Variants in ZRANB3 observed in about 807,000 individuals in gnomAD.
ZRANB3 encodes zinc finger RANBP2-type containing 3.
ZRANB3 carries 125 observed loss-of-function variants against 133.8 expected under a neutral mutation model. That is an observed-to-expected ratio of 0.93 (90% CI 0.81 to 1.08). The LOEUF is 1.08. Ranked by LOEUF, ZRANB3 falls within the 50% of genes least tolerant of loss-of-function variation. The pLI is 0.00. For missense variants in ZRANB3, 1,229 were observed against 1,275.5 expected (o/e 0.96, Z 0.56); for synonymous variants, 387 against 432.7 (o/e 0.89, Z 1.31).
chr2:135,516,096 C>A (rs982513049), intron 1 of ZRANB3, among the ~76,000 whole-genome samples: 9 of 151,724 alleles, frequency 5.9e-5, no homozygotes, highest in African/African-American at 1.2e-4. Context: ...AGGATTGCAA[C>A]CCCTGTTTTT....
chr2:135,503,147 T>C (rs977055626), intron 2 of ZRANB3, among the ~76,000 whole-genome samples: 5 of 152,216 alleles, frequency 3.3e-5, no homozygotes, highest in Admixed American at 2.6e-4. Context: ...TCAAGGTTTG[T>C]ACATTTCATT....
At chr2:135,286,197 T>C (rs1270431275) in intron 8 of ZRANB3, among the ~76,000 whole-genome samples, 1 of 152,080 alleles carries the variant, frequency 6.6e-6, no homozygotes, top group Non-Finnish European at 1.5e-5. Flanking sequence ...CTGCATCCAA[T>C]GTGTAGTCTT....
At chr2:135,385,286 G>T (rs1686914115) in intron 3 of ZRANB3, among the ~76,000 whole-genome samples, 1 of 152,104 alleles carries the variant, frequency 6.6e-6, no homozygotes, top group Non-Finnish European at 1.5e-5. Flanking sequence ...ACTTACAAGG[G>T]ATGTGAAGGA....
chr2:135,271,202 G>A (rs894685243), intron 10 of ZRANB3: 1 of 407,972 alleles, frequency 2.5e-6, no homozygotes, highest in African/African-American at 2.1e-5. Context: ...AGGTCCTAAG[G>A]ACTTTGTGCA....
At chr2:135,406,149 G>A (rs549035248) in intron 2 of ZRANB3, among the ~76,000 whole-genome samples, 5 of 152,136 alleles carry the variant, frequency 3.3e-5, no homozygotes, top group Non-Finnish European at 7.4e-5. Flanking sequence ...TATCACCACC[G>A]ATCCCACAGA....
At chr2:135,222,683 A>G (rs1694602456) in intron 15 of ZRANB3, among the ~76,000 whole-genome samples, 1 of 152,122 alleles carries the variant, frequency 6.6e-6, no homozygotes, top group South Asian at 2.1e-4. Context: ...AAATTGCTAA[A>G]CATTTAAAAC....
intron 8 of ZRANB3, among the ~76,000 whole-genome samples, chr2:135,300,227 G>C (rs1448728991): frequency 6.6e-6 from 1 of 151,970 alleles, no homozygotes; most frequent in African/African-American, 2.4e-5. Context: ...AAATAATGAG[G>C]AATTCATTTT....
intron 12 of ZRANB3, among the ~76,000 whole-genome samples, chr2:135,264,852 G>A (rs567266443): frequency 1.7e-4 from 26 of 151,742 alleles, no homozygotes; most frequent in Non-Finnish European, 3.4e-4. Context: ...TGGTTCAAGC[G>A]ATTCTTGTGC....
At position 135,340,065 on chromosome 2, in the gene ZRANB3, T is replaced by C. The variant is rs1341151471; in HGVS notation, c.677+5485A>G. Among the ~76,000 whole-genome samples, 103 of 151,832 alleles carry C rather than the reference T, an allele frequency of 6.8e-4. 1 individual carries two copies. Among genetic ancestry groups the C allele is most frequent in the Non-Finnish European group, 1.6e-4 (11 of 67,936 alleles). ...AATATTTTATTCATCTGGAATTTAT[T>C]GTTGTGTAAGAAGAAGGGAAAGAAT... On this transcript the variant is annotated intron_variant, in intron 6 of 20. Coordinates refer to ENST00000264159, the MANE Select transcript of ZRANB3 (RefSeq NM_032143.4).
chr2:135,423,013 C>T (rs976806279), intron 2 of ZRANB3, among the ~76,000 whole-genome samples: 2 of 152,126 alleles, frequency 1.3e-5, no homozygotes, highest in African/African-American at 4.8e-5. Context: ...ACAATCTGTT[C>T]CATGCTTCTC....
chr2:135,305,181 T>C (rs1682623205), intron 8 of ZRANB3, among the ~76,000 whole-genome samples: 1 of 152,162 alleles, frequency 6.6e-6, no homozygotes, highest in African/African-American at 2.4e-5. Context: ...TTTCGCCATG[T>C]TTGCCAGGCC....
intron 6 of ZRANB3, among the ~76,000 whole-genome samples, chr2:135,332,555 A>G (rs143960487): frequency 1.2e-4 from 18 of 152,216 alleles, no homozygotes; most frequent in Non-Finnish European, 2.5e-4. Context: ...ATATGTTTTC[A>G]TTTGTTAAAA....
intron 9 of ZRANB3, among the ~76,000 whole-genome samples, chr2:135,272,791 A>C (rs544544487): frequency 1.4e-4 from 21 of 152,262 alleles, no homozygotes; most frequent in Non-Finnish European, 2.5e-4. Context: ...ATTTTTGAAA[A>C]GTAGGGAAAC....
chr2:135,480,818 T>C (rs866671835), intron 2 of ZRANB3, among the ~76,000 whole-genome samples: 1 of 126,830 alleles, frequency 7.9e-6, no homozygotes, highest in Admixed American at 9.0e-5. Flanking sequence ...CCTGTGTCCA[T>C]GTGATCTCAT....
rs564404471 is a variant in ZRANB3, at chr2:135,433,966, C to A, written c.162-43146G>T. Among the ~76,000 whole-genome samples the A allele has an allele frequency of 3.7e-4, 56 of 152,268 alleles. No individual in the cohort carries two copies. The South Asian group carries it at 5.8e-3, about 16-fold the overall frequency. On this transcript the variant is annotated intron_variant, in intron 2 of 20. Coordinates refer to ENST00000264159, the MANE Select transcript of ZRANB3 (RefSeq NM_032143.4). ...GAGTTGAGATAGCGCCACTGCACTC[C>A]AGCCTGGTGACAGAGCAAGACTCCG...
chr2:135,228,655 T>C (rs1172679736), intron 13 of ZRANB3, among the ~76,000 whole-genome samples: 1 of 152,146 alleles, frequency 6.6e-6, no homozygotes, highest in Non-Finnish European at 1.5e-5. Context: ...GGTTACTTGA[T>C]GGGTTGAGTG....
intron 1 of ZRANB3, among the ~76,000 whole-genome samples, chr2:135,508,134 T>C (rs1318018305): frequency 6.6e-6 from 1 of 152,144 alleles, no homozygotes; most frequent in Non-Finnish European, 1.5e-5. Context: ...ATTTGTTTTT[T>C]GTTTTTTGTT....
intron 8 of ZRANB3, among the ~76,000 whole-genome samples, chr2:135,293,413 T>A (rs111874408): frequency 6.6e-6 from 1 of 152,120 alleles, no homozygotes; most frequent in Admixed American, 6.6e-5. Context: ...TATTGGTGTA[T>A]AAGAATGCTT....
intron 2 of ZRANB3, among the ~76,000 whole-genome samples, chr2:135,498,700 G>A (rs996115354): frequency 6.6e-5 from 10 of 152,168 alleles, no homozygotes; most frequent in Non-Finnish European, 1.3e-4. Flanking sequence ...TTCTCAGCAA[G>A]GAACATCCCT....
Sources: allele counts gnomAD v4.1 joint callset (sites outside exome capture counted in the v4.1 genomes callset), GRCh38; gene constraint gnomAD v4.1.1; transcripts MANE v1.5; gene names NCBI Gene and HGNC (gene_info 2026-07-23, HGNC 2026-07-21).